Variants in HSD3B1 observed in about 807,000 individuals in gnomAD.
The protein encoded by HSD3B1 is 3 beta-hydroxysteroid dehydrogenase/Delta 5-->4-isomerase type 1.
A neutral mutation model predicts 10.4 loss-of-function variants in HSD3B1; 11 were observed. That is an observed-to-expected ratio of 1.05 (90% CI 0.66 to 1.75). The LOEUF (loss-of-function observed/expected upper bound fraction) is 1.75. Among genes scored for constraint, HSD3B1 ranks in the 40% most tolerant of loss-of-function variants. HSD3B1 has a pLI of 0.00. For missense variants in HSD3B1, 490 were observed against 454.5 expected (o/e 1.08, Z -0.71); for synonymous variants, 217 against 185.4 (o/e 1.17, Z -1.39).
chr1:119,509,641 C>T lies in HSD3B1; in HGVS notation c.146-1862C>T, dbSNP rs587708437. 1.5e-3 allele frequency among the ~76,000 whole-genome samples: 229 copies of T among 152,272 alleles called. 3 individuals are homozygous for T. The highest frequency in any genetic ancestry group is 5.4e-3 in the African/African-American group (224 of 41,536). On this transcript the variant is annotated intron_variant, in intron 2 of 3. Transcript: ENST00000369413. ...CCACATCACCACCAGCAGCCTCTTC[C>T]CTGACTCCCCCACTCCAGGACCTTC...
rs1229687430 is a variant in HSD3B1, at chr1:119,507,347, T to C, written c.-85-45T>C. 1.1e-5 allele frequency: 10 copies of C among 870,558 alleles called. No homozygotes were observed. The African/African-American group carries it at 1.2e-4, about 10-fold the overall frequency. The allele number at this position is 870,558 out of a possible 1,614,324, so 53.9% of individuals were successfully genotyped here. A position where few individuals can be genotyped will look rare whatever the true frequency, so the allele number is the denominator to read the frequency against. ...GCAAAAAAAATGGGGTGGAGGAAAATGAGGCATCTGTGTGAGTATATAACC... is the reference window on the plus strand; with the variant it reads ...GCAAAAAAAATGGGGTGGAGGAAAACGAGGCATCTGTGTGAGTATATAACC... On this transcript the variant is annotated intron_variant, in intron 1 of 3. Coordinates refer to ENST00000369413, the MANE Select transcript of HSD3B1 (RefSeq NM_000862.3).
chr1:119,513,764 A>G, intron 3 of HSD3B1, 70 bp from the exon 4 acceptor site: 1 of 1,430,274 alleles, frequency 7.0e-7, no homozygotes, highest in Non-Finnish European at 9.7e-7. Flanking sequence ...TGGGGCACAT[A>G]GATCTGTGTT....
chr1:119,508,456 C>T (rs1173938309), intron 2 of HSD3B1, among the ~76,000 whole-genome samples: 1 of 151,876 alleles, frequency 6.6e-6, no homozygotes, highest in African/African-American at 2.4e-5. Context: ...ACTCCTTGTA[C>T]AAATGGCCCC....
rs763658066 is a variant in HSD3B1 at position 119,507,502 on chromosome 1, C to G, written c.26C>G (p.Thr9Arg). The change falls in exon 2 of 4, where the codon ACA becomes AGA. Residue 9 changes from threonine to arginine, a missense_variant. Coordinates refer to ENST00000369413, the MANE Select transcript of HSD3B1 (RefSeq NM_000862.3). MTGWSCLVTGAGGFLGQRI... is the reference protein window; with the variant it reads MTGWSCLVRGAGGFLGQRI... ...ATGACGGGCTGGAGCTGCCTTGTGA[C>G]AGGAGCAGGAGGGTTTCTGGGACAG... is the stretch of plus-strand genomic sequence containing the variant. The G allele has an allele frequency of 2.5e-6, 4 of 1,613,808 alleles. No homozygotes were observed. In the African/African-American group the frequency reaches 5.3e-5, roughly 22 times the overall value.
At chr1:119,511,041 T>C (rs1464847270) in intron 2 of HSD3B1, among the ~76,000 whole-genome samples, 2 of 152,116 alleles carry the variant, frequency 1.3e-5, no homozygotes, top group Non-Finnish European at 2.9e-5. Flanking sequence ...CCACGGGGCT[T>C]GGCCTTTTTG....
chr1:119,507,534 A>G lies in HSD3B1; in HGVS notation c.58A>G (p.Ile20Val), dbSNP rs1463967262. The change falls in exon 2 of 4, where the codon ATC becomes GTC. Residue 20 changes from isoleucine to valine, a missense_variant. Physicochemically the swap from Ile to Val is conservative, Grantham distance 29. Transcript: ENST00000369413. The stretch of plus-strand genomic sequence containing the variant: ...AGGAGGGTTTCTGGGACAGAGGATC[A>G]TCCGCCTCTTGGTGAAGGAGAAGGA... ...GAGGFLGQRIIRLLVKEKELK... is the reference protein window; with the variant it reads ...GAGGFLGQRIVRLLVKEKELK... 1 of 1,614,022 alleles carries G rather than the reference A, an allele frequency of 6.2e-7. No homozygotes were observed. The highest frequency in any genetic ancestry group is 1.7e-5 in the Admixed American group (1 of 60,006).
chr1:119,510,623 T>C (rs2101458452), intron 2 of HSD3B1, among the ~76,000 whole-genome samples: 1 of 150,130 alleles, frequency 6.7e-6, no homozygotes, highest in Non-Finnish European at 1.5e-5. Flanking sequence ...TCAAATCCCC[T>C]ATACCAGTCC....
chr1:119,513,023 T>G (rs587649081), intron 3 of HSD3B1, among the ~76,000 whole-genome samples: 62 of 152,288 alleles, frequency 4.1e-4, no homozygotes, highest in Admixed American at 1.4e-3. Context: ...CAGGGGAGGC[T>G]GCAAGGTCCT....
At chr1:119,507,727 T>C in intron 2 of HSD3B1, 106 bp downstream of exon 2, 1 of 1,149,636 alleles carries the variant, frequency 8.7e-7, no homozygotes, top group East Asian at 2.4e-5. Flanking sequence ...TAGCCAAATC[T>C]AAGCCAATCT....
chr1:119,510,712 G>GTTTTTTTTTTTTTTTTTTTTTTTTTTT (rs1265546430), intron 2 of HSD3B1, among the ~76,000 whole-genome samples: 1 of 39,060 alleles, frequency 2.6e-5, no homozygotes, highest in Admixed American at 3.6e-4. Flanking sequence ...TGCTTGTGTG[G>GTTTTTTTTTTTTTTTTTTTTTTTTTTT]TTTTCTTTTT....
chr1:119,512,805 G>A (rs1031090766), intron 3 of HSD3B1, among the ~76,000 whole-genome samples: 1 of 152,104 alleles, frequency 6.6e-6, no homozygotes, highest in Non-Finnish European at 1.5e-5. Context: ...CCCCCTTGAA[G>A]GTAAACTAAC....
intron 2 of HSD3B1, among the ~76,000 whole-genome samples, chr1:119,508,383 AC>A (rs1287456756): frequency 5.5e-4 from 84 of 151,666 alleles, no homozygotes; most frequent in African/African-American, 2.0e-3. Context: ...AAAAAAAAAA[AC>A]AAAACATTTA....
In HSD3B1 at chr1:119,514,530, G is replaced by A. The variant is rs1224855842; in HGVS notation, c.1007G>A (p.Arg336Gln). 8 of 1,614,000 alleles carry A rather than the reference G, an allele frequency of 5.0e-6. No individual in the cohort carries two copies. Among genetic ancestry groups the A allele is most frequent in the East Asian group, 2.2e-5 (1 of 44,840 alleles). The change falls in exon 4 of 4, where the codon CGA becomes CAA. Residue 336 changes from arginine (R) to glutamine (Q), a missense_variant. By Grantham distance (43) the Arg-to-Gln change is conservative (BLOSUM62 1). Coordinates refer to ENST00000369413, the MANE Select transcript of HSD3B1 (RefSeq NM_000862.3). ...ACCTTCTCTTATAAGAAGGCTCAGC[G>A]AGATCTGGCGTATAAGCCACTCTAC... ...VFTFSYKKAQ[R>Q]DLAYKPLYSW...
Position 119,507,375 on chromosome 1 carries a change from T to C in HSD3B1, c.-85-17T>C. The C allele has an allele frequency of 1.6e-6, 2 of 1,227,004 alleles. No homozygotes were observed. Among genetic ancestry groups the C allele is most frequent in the African/African-American group, 1.5e-5 (1 of 67,234 alleles). The allele number at this position is 1,227,004 out of a possible 1,614,324, so 76.0% of individuals were successfully genotyped here. ...GGCATCTGTGTGAGTATATAACCAT[T>C]TGACATCTCTTTTTAGCCCTCTCCA... On this transcript the variant is annotated splice_polypyrimidine_tract_variant and intron_variant, in intron 1 of 3. Transcript: ENST00000369413.
Position 119,507,547 on chromosome 1 carries a change from T to C in HSD3B1, c.71T>C (p.Val24Ala). The part of the protein sequence containing the change: ...FLGQRIIRLL[V>A]KEKELKEIRV... Reference sequence around the variant, plus strand: ...GGACAGAGGATCATCCGCCTCTTGGTGAAGGAGAAGGAGCTGAAGGAGATC... The same window carrying C: ...GGACAGAGGATCATCCGCCTCTTGGCGAAGGAGAAGGAGCTGAAGGAGATC... The change falls in exon 2 of 4, where the codon GTG becomes GCG. Residue 24 changes from valine (V) to alanine (A), a missense_variant. By Grantham distance (64) the Val-to-Ala change is moderately conservative (BLOSUM62 0). Transcript: ENST00000369413. 1 of 1,613,914 alleles carries C rather than the reference T, an allele frequency of 6.2e-7. No individual in the cohort carries two copies. The highest frequency in any genetic ancestry group is 8.5e-7 in the Non-Finnish European group (1 of 1,179,926).
At chr1:119,509,620 A>G (rs1430577488) in intron 2 of HSD3B1, among the ~76,000 whole-genome samples, 1 of 152,200 alleles carries the variant, frequency 6.6e-6, no homozygotes, top group Non-Finnish European at 1.5e-5. Context: ...TGTTACCCAC[A>G]TCACCACCAG....
chr1:119,510,440 T>C lies in HSD3B1; in HGVS notation c.146-1063T>C, dbSNP rs1402158647. The stretch of plus-strand genomic sequence containing the variant: ...AAACTGTAGGGGTGATTTTATCTTC[T>C]CCTTTTCCTATCAGCTCAGATCCAA... On this transcript the variant is annotated intron_variant, in intron 2 of 3. Coordinates refer to ENST00000369413, the MANE Select transcript of HSD3B1 (RefSeq NM_000862.3). Among the ~76,000 whole-genome samples the C allele has an allele frequency of 2.6e-5, 4 of 152,180 alleles. No individual in the cohort carries two copies. The East Asian group carries it at 7.7e-4, about 29-fold the overall frequency.
chr1:119,510,716 T>C (rs1185405221), intron 2 of HSD3B1, among the ~76,000 whole-genome samples: 6 of 116,214 alleles, frequency 5.2e-5, no homozygotes, highest in African/African-American at 3.1e-4. Flanking sequence ...TGTGTGGTTT[T>C]CTTTTTTTTT....
chr1:119,514,728 A>G lies in HSD3B1; in HGVS notation c.*83A>G. On this transcript the variant is annotated 3_prime_UTR_variant, in exon 4 of 4. Coordinates refer to ENST00000369413, the MANE Select transcript of HSD3B1 (RefSeq NM_000862.3). ...CCCTCCTGGCCTCATACAGAAAGTGACAAGGGCACAAGCTCAGGTCCTGCT... is the reference window on the plus strand; with the variant it reads ...CCCTCCTGGCCTCATACAGAAAGTGGCAAGGGCACAAGCTCAGGTCCTGCT... The G allele has an allele frequency of 2.7e-6, 4 of 1,456,832 alleles. No homozygotes were observed. In the African/African-American group the frequency reaches 5.6e-5, roughly 20 times the overall value. 90.2% of individuals were successfully genotyped at this position (1,456,832 alleles called of 1,614,324 possible).
Sources: allele counts gnomAD v4.1 joint callset (sites outside exome capture counted in the v4.1 genomes callset), GRCh38; gene constraint gnomAD v4.1.1; transcripts MANE v1.5; gene names NCBI Gene and HGNC (gene_info 2026-07-23, HGNC 2026-07-21).